CCDC192: variants seen among roughly 807,000 people sequenced by gnomAD.
CCDC192 encodes coiled-coil domain containing 192.
intron 5 of CCDC192, among the ~76,000 whole-genome samples, chr5:127,816,081 A>G (rs1389035954): frequency 1.3e-5 from 2 of 152,276 alleles, no homozygotes; most frequent in Admixed American, 6.5e-5. Flanking sequence ...ATACATTAAT[A>G]TGTGTTAGAG....
intron 3 of CCDC192, among the ~76,000 whole-genome samples, chr5:127,776,848 C>T (rs1055470988): frequency 6.6e-5 from 10 of 152,176 alleles, no homozygotes; most frequent in Admixed American, 1.3e-4. Flanking sequence ...TGAGCCTGCG[C>T]GTGCAGAGAA....
intron 5 of CCDC192, among the ~76,000 whole-genome samples, chr5:127,863,786 G>A (rs889270339): frequency 1.3e-5 from 2 of 152,192 alleles, no homozygotes; most frequent in African/African-American, 4.8e-5. Context: ...CAGAGTAACT[G>A]ACATTGTTAG....
chr5:127,905,184 A>T (rs139939302), intron 6 of CCDC192, among the ~76,000 whole-genome samples: 1 of 152,208 alleles, frequency 6.6e-6, no homozygotes, highest in African/African-American at 2.4e-5. Flanking sequence ...AGACTAACTT[A>T]GTCTATCCTG....
chr5:127,775,020 A>G (rs1325949342), intron 3 of CCDC192, among the ~76,000 whole-genome samples: 2 of 152,142 alleles, frequency 1.3e-5, no homozygotes, highest in African/African-American at 2.4e-5. Context: ...TCAATTGTGA[A>G]TGGAAGTATT....
intron 2 of CCDC192, among the ~76,000 whole-genome samples, chr5:127,725,777 A>G (rs1375560335): frequency 6.6e-6 from 1 of 152,184 alleles, no homozygotes; most frequent in Non-Finnish European, 1.5e-5. Flanking sequence ...TGGTCATTAT[A>G]GATGGAAAAA....
chr5:127,830,486 T>C (rs959315680), intron 5 of CCDC192, among the ~76,000 whole-genome samples: 1 of 152,216 alleles, frequency 6.6e-6, no homozygotes, highest in African/African-American at 2.4e-5. Flanking sequence ...TGCGTCCTTA[T>C]ATGATCTTCC....
At chr5:127,883,876 T>A (rs1052242569) in intron 6 of CCDC192, among the ~76,000 whole-genome samples, 11 of 152,108 alleles carry the variant, frequency 7.2e-5, no homozygotes, top group African/African-American at 2.7e-4. Flanking sequence ...AGGAAAGGGA[T>A]GTATGAGCCG....
At chr5:127,784,228 T>C (rs1227478806) in intron 3 of CCDC192, among the ~76,000 whole-genome samples, 1 of 152,232 alleles carries the variant, frequency 6.6e-6, no homozygotes, top group Non-Finnish European at 1.5e-5. Flanking sequence ...AAAATGGTTT[T>C]CATAGCAGAT....
rs1238088547 is a variant in CCDC192 at position 127,889,264 on chromosome 5, C to A, written c.535+13603C>A. The stretch of plus-strand genomic sequence containing the variant: ...GAAGAAAACTGATAGATCTACAAGT[C>A]TTCTGTTGCCTCAATTATATCAGCT... On this transcript the variant is annotated intron_variant, in intron 6 of 6. Transcript: ENST00000514853. Among the ~76,000 whole-genome samples the A allele has an allele frequency of 3.9e-5, 6 of 152,174 alleles. No homozygotes were observed. In the East Asian group the frequency reaches 1.2e-3, roughly 29 times the overall value.
At chr5:127,754,472 T>C (rs1754447015) in intron 3 of CCDC192, 97 bp downstream of exon 3, 6 of 326,788 alleles carry the variant, frequency 1.8e-5, no homozygotes, top group Non-Finnish European at 3.3e-5. Context: ...CCTCTACTGA[T>C]ACACACACAC....
intron 6 of CCDC192, among the ~76,000 whole-genome samples, chr5:127,893,186 C>G (rs144353364): frequency 2.0e-4 from 31 of 152,294 alleles, no homozygotes; most frequent in African/African-American, 6.3e-4. Flanking sequence ...CTCCACCCAG[C>G]TACACTGGCA....
intron 3 of CCDC192, among the ~76,000 whole-genome samples, chr5:127,790,513 A>G (rs1273489864): frequency 6.6e-6 from 1 of 152,172 alleles, no homozygotes; most frequent in Non-Finnish European, 1.5e-5. Flanking sequence ...AATTATTGTT[A>G]ACCATAATTT....
intron 3 of CCDC192, among the ~76,000 whole-genome samples, chr5:127,793,472 G>A (rs916129127): frequency 4.1e-4 from 62 of 152,098 alleles, no homozygotes; most frequent in Admixed American, 2.8e-3. Context: ...AGAAAAAAAC[G>A]TCACAGGCCT....
At chr5:127,854,945 C>A (rs1750996855) in intron 5 of CCDC192, among the ~76,000 whole-genome samples, 1 of 152,134 alleles carries the variant, frequency 6.6e-6, no homozygotes, top group Non-Finnish European at 1.5e-5. Context: ...TTTATAACAA[C>A]CTTTATAACT....
At chr5:127,823,812 A>C (rs1330637942) in intron 5 of CCDC192, among the ~76,000 whole-genome samples, 1 of 152,198 alleles carries the variant, frequency 6.6e-6, no homozygotes, top group East Asian at 1.9e-4. Flanking sequence ...AGTGTTATTA[A>C]AATTGGTGAA....
intron 5 of CCDC192, among the ~76,000 whole-genome samples, chr5:127,833,703 A>G (rs1437540564): frequency 6.6e-6 from 1 of 152,196 alleles, no homozygotes; most frequent in Non-Finnish European, 1.5e-5. Flanking sequence ...TAAACCTATG[A>G]ATAGAAAACC....
At chr5:127,825,250 C>T (rs1749474117) in intron 5 of CCDC192, among the ~76,000 whole-genome samples, 1 of 152,162 alleles carries the variant, frequency 6.6e-6, no homozygotes, top group Admixed American at 6.5e-5. Flanking sequence ...TTCAGAGAAA[C>T]AGTCTAGAAG....
chr5:127,778,191 G>T (rs1755985543), intron 3 of CCDC192, among the ~76,000 whole-genome samples: 1 of 152,188 alleles, frequency 6.6e-6, no homozygotes, highest in Non-Finnish European at 1.5e-5. Flanking sequence ...TCCTTGTCTT[G>T]TTCCTGATCT....
chr5:127,829,745 T>C (rs1480315286), intron 5 of CCDC192, among the ~76,000 whole-genome samples: 1 of 152,226 alleles, frequency 6.6e-6, no homozygotes, highest in African/African-American at 2.4e-5. Flanking sequence ...ATTAGTGTTT[T>C]TGTGTCTTTG....
Sources: gnomAD v4.1 joint callset for allele counts (sites outside exome capture counted in the v4.1 genomes callset) on GRCh38, gnomAD v4.1.1 for gene constraint, MANE v1.5 for transcripts, NCBI Gene and HGNC (gene_info 2026-07-23, HGNC 2026-07-21) for gene names.